Variants in LRRC37A observed in about 807,000 individuals in gnomAD.
LRRC37A encodes the protein leucine rich repeat containing 37A, also known as leucine-rich repeat-containing protein 37A.
LRRC37A carries 3 observed loss-of-function variants against 35.4 expected under a neutral mutation model. That is an observed-to-expected ratio of 0.08 (90% CI 0.04 to 0.22). The LOEUF (loss-of-function observed/expected upper bound fraction) is 0.22. LRRC37A is among the 10% of genes least tolerant of loss of function. The pLI, the probability that LRRC37A is intolerant of heterozygous loss-of-function variation, is 1.00. For missense variants in LRRC37A, 67 were observed against 565.3 expected, an observed-to-expected ratio of 0.12 and a Z score of 8.94; for synonymous variants, 23 against 215.0, an observed-to-expected ratio of 0.11 and a Z score of 7.81.
At chr17:46,257,324 T>C in the LRRC37A span, among the ~76,000 whole-genome samples, 68 of 152,102 alleles carry the variant, frequency 4.5e-4, no homozygotes, top group South Asian at 2.1e-3. Flanking sequence ...GGCACGTGAT[T>C]GTAATCCCAG....
the LRRC37A span, chr17:46,268,442 T>A: frequency 8.4e-7 from 1 of 1,187,512 alleles, no homozygotes; most frequent in African/African-American, 1.7e-5. Flanking sequence ...AAAGGCCTTA[T>A]ATTTTCTGTT....
chr17:46,263,541 A>ACT, the LRRC37A span, among the ~76,000 whole-genome samples: 1 of 114,186 alleles, frequency 8.8e-6, no homozygotes, highest in African/African-American at 3.6e-5. Context: ...ACAAAGCCAG[A>ACT]CTCTGTCTCA....
upstream of LRRC37A, among the ~76,000 whole-genome samples, chr17:46,289,036 T>C (rs544948444): frequency 1.1e-3 from 167 of 152,312 alleles, 1 homozygote; most frequent in African/African-American, 3.8e-3. Flanking sequence ...TTTGCCATAC[T>C]TTTTAAGTGC....
the LRRC37A span, among the ~76,000 whole-genome samples, chr17:46,257,163 T>C: frequency 2.0e-5 from 3 of 151,848 alleles, no homozygotes; most frequent in Non-Finnish European, 4.4e-5. Context: ...GATTTAACAC[T>C]AGGCTGGGCA....
intron 3 of LRRC37A, among the ~76,000 whole-genome samples, chr17:46,304,993 T>C (rs2050477528): frequency 1.2e-5 from 1 of 82,242 alleles, no homozygotes; most frequent in African/African-American, 3.2e-5. Context: ...CTCAGCCTCC[T>C]GAGCAGCTAG....
the LRRC37A span, among the ~76,000 whole-genome samples, chr17:46,266,431 C>T: frequency 4.6e-5 from 7 of 152,208 alleles, no homozygotes; most frequent in African/African-American, 1.7e-4. Flanking sequence ...GCTCGTCCCC[C>T]TTAGGAAGGA....
At chr17:46,272,655 TC>T in the LRRC37A span, among the ~76,000 whole-genome samples, 9 of 152,090 alleles carry the variant, frequency 5.9e-5, no homozygotes, top group African/African-American at 2.2e-4. Flanking sequence ...CCTCAGGTGA[TC>T]CCCCCTGCCT....
the LRRC37A span, among the ~76,000 whole-genome samples, chr17:46,268,138 A>G: frequency 6.6e-6 from 1 of 152,180 alleles, no homozygotes; most frequent in East Asian, 1.9e-4. Context: ...TTGTTCTGTA[A>G]TGTGGGCTGG....
chr17:46,250,080 A>C, the LRRC37A span, among the ~76,000 whole-genome samples: 6 of 152,212 alleles, frequency 3.9e-5, no homozygotes, highest in East Asian at 1.2e-3. Flanking sequence ...TACAGGCGTG[A>C]GCCACCATGC....
chr17:46,265,322 TTC>T, the LRRC37A span, among the ~76,000 whole-genome samples: 1 of 143,342 alleles, frequency 7.0e-6, no homozygotes, highest in Non-Finnish European at 1.5e-5. Context: ...CTTCCTCTTC[TTC>T]TTTTTTTCTC....
the LRRC37A span, chr17:46,267,412 A>G: frequency 6.2e-7 from 1 of 1,611,848 alleles, no homozygotes; most frequent in Non-Finnish European, 8.5e-7. Flanking sequence ...GCTGTACAAG[A>G]TGAACCGCCT....
rs1195162507 is a variant in LRRC37A at position 46,330,958 on chromosome 17, G to A, written c.3681G>A (p.Ala1227=). ...CACAGCAGGGGCCTGAGAAGTTAGCGGGAAACGCCGTCTACACCAAGCCTT... is the reference window on the plus strand; with the variant it reads ...CACAGCAGGGGCCTGAGAAGTTAGCAGGAAACGCCGTCTACACCAAGCCTT... The change falls in exon 9 of 14, where the codon GCG becomes GCA. Residue 1227 remains alanine (A), a synonymous_variant. Coordinates refer to ENST00000320254, the Ensembl canonical transcript of LRRC37A. 6.9e-6 allele frequency: 5 copies of A among 724,994 alleles called. 2 individuals carry two copies. The highest frequency in any genetic ancestry group is 3.7e-5 in the African/African-American group (2 of 53,608). 44.9% of individuals were successfully genotyped at this position (724,994 alleles called of 1,614,324 possible).
At chr17:46,291,363 A>G (rs1048556747), upstream of LRRC37A, among the ~76,000 whole-genome samples, 2 of 152,186 alleles carry the variant, frequency 1.3e-5, no homozygotes, top group African/African-American at 4.8e-5. Context: ...GAACAGACAC[A>G]AAACTGTGAG....
the LRRC37A span, among the ~76,000 whole-genome samples, chr17:46,272,924 C>T: frequency 1.8e-4 from 27 of 152,214 alleles, no homozygotes; most frequent in Admixed American, 6.5e-4. Flanking sequence ...CTACAGAAGA[C>T]ATATTACCAC....
the LRRC37A span, among the ~76,000 whole-genome samples, chr17:46,282,657 A>C: frequency 1.3e-5 from 2 of 151,092 alleles, no homozygotes; most frequent in Non-Finnish European, 2.9e-5. Flanking sequence ...CCTGGCTTCA[A>C]GCTATTCTCC....
At chr17:46,254,575 TTTG>T in the LRRC37A span, among the ~76,000 whole-genome samples, 1 of 151,854 alleles carries the variant, frequency 6.6e-6, no homozygotes, top group African/African-American at 2.4e-5. Context: ...GCAGTCTCAT[TTTG>T]TTGCCCAGGC....
chr17:46,261,045 T>C, the LRRC37A span, among the ~76,000 whole-genome samples: 1 of 152,074 alleles, frequency 6.6e-6, no homozygotes, highest in South Asian at 2.1e-4. Flanking sequence ...ACAGTGGACT[T>C]TGGGGAATCA....
chr17:46,268,911 T>G, the LRRC37A span, among the ~76,000 whole-genome samples: 1 of 152,384 alleles, frequency 6.6e-6, no homozygotes, highest in South Asian at 2.1e-4. Context: ...GTGATTCAAC[T>G]GTTGTGCCAG....
the LRRC37A span, among the ~76,000 whole-genome samples, chr17:46,250,914 CTCTTCCTCT>C: frequency 3.3e-5 from 5 of 152,114 alleles, no homozygotes; most frequent in African/African-American, 4.8e-5. Flanking sequence ...CCTCTCCTTC[CTCTTCCTCT>C]TCTTCCTCTT....
Sources: allele counts gnomAD v4.1 joint callset (sites outside exome capture counted in the v4.1 genomes callset), GRCh38; gene constraint gnomAD v4.1.1; transcripts MANE v1.5; gene names NCBI Gene and HGNC (gene_info 2026-07-23, HGNC 2026-07-21).